RAD9B: variants seen among roughly 807,000 people sequenced by gnomAD.
RAD9B encodes cell cycle checkpoint control protein RAD9B.
RAD9B carries 41 observed loss-of-function variants against 48.3 expected under a neutral mutation model. That is an observed-to-expected ratio of 0.85 (90% confidence interval 0.66 to 1.10). The LOEUF (loss-of-function observed/expected upper bound fraction) is 1.10. Ranked by LOEUF, RAD9B falls within the 50% of genes least tolerant of loss-of-function variation. The probability of loss-of-function intolerance (pLI) is 0.00; values close to 1 mark genes in which losing one functional copy is unlikely to be tolerated. For synonymous variants in RAD9B, 160 were observed against 157.9 expected (o/e 1.01, Z -0.10); for missense variants, 444 against 485.1 (o/e 0.92, Z 0.80).
chr12:110,522,047 T>C, intron 9 of RAD9B, 130 bp from the exon 10 acceptor site: 1 of 629,476 alleles, frequency 1.6e-6, no homozygotes. Flanking sequence ...CTTGCAACAA[T>C]TTAGTTCCAT....
In RAD9B at chr12:110,531,605, T is replaced by C. The variant is rs1174532782; in HGVS notation, c.*952T>C. On this transcript the variant is annotated 3_prime_UTR_variant, in exon 11 of 11. Transcript: ENST00000409300. ...GCAGGAAAGAATTTAATGGAAGTGATGCCAAATATTTCTGTATTATCTGAC... is the reference window on the plus strand; with the variant it reads ...GCAGGAAAGAATTTAATGGAAGTGACGCCAAATATTTCTGTATTATCTGAC... The C allele has an allele frequency of 6.2e-7, 1 of 1,611,280 alleles. No individual in the cohort carries two copies. The highest frequency in any genetic ancestry group is 8.5e-7 in the Non-Finnish European group (1 of 1,178,320).
At chr12:110,517,206 C>T (rs537946525) in intron 6 of RAD9B, among the ~76,000 whole-genome samples, 1 of 152,096 alleles carries the variant, frequency 6.6e-6, no homozygotes, top group African/African-American at 2.4e-5. Flanking sequence ...TGGCATGCAC[C>T]TGTAGTCTAT....
intron 4 of RAD9B, among the ~76,000 whole-genome samples, chr12:110,507,688 T>A (rs1395212932): frequency 6.7e-6 from 1 of 150,134 alleles, no homozygotes; most frequent in Non-Finnish European, 1.5e-5. Context: ...TTCGCTCTTG[T>A]TGCCCAGGCT....
chr12:110,510,823 G>A (rs1027643112), intron 4 of RAD9B, among the ~76,000 whole-genome samples: 1 of 152,100 alleles, frequency 6.6e-6, no homozygotes, highest in Non-Finnish European at 1.5e-5. Context: ...GTGTGGTAGA[G>A]TGCGCCTCTA....
Position 110,518,799 on chromosome 12 carries a change from A to G in RAD9B, c.702+17A>G. 6.3e-7 allele frequency: 1 copy of G among 1,575,638 alleles called. No individual in the cohort carries two copies. ...GAATTGAAGGTAAATAAAGATTTGT[A>G]TCAATTTAAAATTCAAATTTTCACT... On this transcript the variant is annotated intron_variant, in intron 7 of 10. Coordinates refer to ENST00000409300, the MANE Select transcript of RAD9B (RefSeq NM_001286535.2).
At chr12:110,516,769 C>T (rs12314164) in intron 6 of RAD9B, among the ~76,000 whole-genome samples, 3,710 of 151,650 alleles carry the variant, frequency 0.024, 129 homozygotes, top group African/African-American at 0.08. Flanking sequence ...GCCAAGATCA[C>T]GCCACGGCAC....
At chr12:110,517,784 AC>A (rs2063651572) in intron 6 of RAD9B, among the ~76,000 whole-genome samples, 9 of 151,762 alleles carry the variant, frequency 5.9e-5, no homozygotes, top group Admixed American at 3.9e-4. Context: ...ACACACACAC[AC>A]ACACAAATAA....
intron 10 of RAD9B, among the ~76,000 whole-genome samples, chr12:110,526,712 A>T (rs575710844): frequency 2.0e-5 from 3 of 152,100 alleles, no homozygotes; most frequent in Non-Finnish European, 4.4e-5. Flanking sequence ...GATCAAGACC[A>T]TCCTAGCTAA....
intron 9 of RAD9B, among the ~76,000 whole-genome samples, chr12:110,520,799 C>T (rs767551145): frequency 2.6e-5 from 4 of 151,410 alleles, no homozygotes; most frequent in Non-Finnish European, 4.4e-5. Context: ...GACATGTGTG[C>T]ACTAACACGC....
At chr12:110,504,845 T>A (rs1200035487) in intron 2 of RAD9B, among the ~76,000 whole-genome samples, 3 of 151,970 alleles carry the variant, frequency 2.0e-5, no homozygotes, top group African/African-American at 4.8e-5. Context: ...TACAAAAAAA[T>A]TTTAAAAATT....
intron 3 of RAD9B, among the ~76,000 whole-genome samples, chr12:110,506,323 G>A (rs563957168): frequency 1.3e-5 from 2 of 152,018 alleles, no homozygotes; most frequent in South Asian, 4.2e-4. Context: ...CGAGTAGCTG[G>A]GACTACAGGC....
intron 5 of RAD9B, among the ~76,000 whole-genome samples, chr12:110,513,606 G>A (rs1279769225): frequency 6.6e-6 from 1 of 151,534 alleles, no homozygotes; most frequent in Non-Finnish European, 1.5e-5. Flanking sequence ...ATTTGAAAGT[G>A]CATCCAGTTT....
chr12:110,525,863 G>A (rs2063921030), intron 10 of RAD9B, among the ~76,000 whole-genome samples: 1 of 152,116 alleles, frequency 6.6e-6, no homozygotes, highest in Admixed American at 6.5e-5. Context: ...GCTAATTTTT[G>A]TAGTTTTTAG....
rs2135748175 is a variant in RAD9B at position 110,531,453 on chromosome 12, A to G, written c.*800A>G. The G allele has an allele frequency of 5.7e-6, 4 of 701,470 alleles. No individual in the cohort carries two copies. The East Asian group carries it at 1.2e-4, about 22-fold the overall frequency. The allele number at this position is 701,470 out of a possible 1,614,324, so 43.5% of individuals were successfully genotyped here. ...GTGATCTGCCCACCTCGGCCTCCCA[A>G]AGTGCTGGGATTACAGACTTGAGCC... On this transcript the variant is annotated 3_prime_UTR_variant, in exon 11 of 11. Transcript: ENST00000409300.
intron 9 of RAD9B, among the ~76,000 whole-genome samples, chr12:110,521,721 A>G (rs938150352): frequency 6.6e-6 from 1 of 151,632 alleles, no homozygotes; most frequent in African/African-American, 2.4e-5. Flanking sequence ...ACGCCCGGCT[A>G]ATTTTTTTGT....
intron 4 of RAD9B, among the ~76,000 whole-genome samples, chr12:110,510,943 G>C (rs1381316792): frequency 6.6e-6 from 1 of 151,204 alleles, no homozygotes; most frequent in Non-Finnish European, 1.5e-5. Context: ...AACAGGTTGA[G>C]ACCCTGTCAA....
At chr12:110,529,620 C>T (rs2064065223) in intron 10 of RAD9B, among the ~76,000 whole-genome samples, 1 of 151,358 alleles carries the variant, frequency 6.6e-6, no homozygotes, top group African/African-American at 2.4e-5. Context: ...CATGGTTGTG[C>T]ATACCTGTAG....
At position 110,531,565 on chromosome 12, in the gene RAD9B, A is replaced by T; in HGVS notation, c.*912A>T. Reference sequence around the variant, plus strand: ...TTCTGATTTTCAGATGTGATTTTTTATTTTGCAGTGTGCTGCAGGAAAGAA... The same window carrying T: ...TTCTGATTTTCAGATGTGATTTTTTTTTTTGCAGTGTGCTGCAGGAAAGAA... On this transcript the variant is annotated 3_prime_UTR_variant, in exon 11 of 11. Coordinates refer to ENST00000409300, the MANE Select transcript of RAD9B (RefSeq NM_001286535.2). 6.5e-7 allele frequency: 1 copy of T among 1,547,216 alleles called. No homozygotes were observed.
intron 6 of RAD9B, among the ~76,000 whole-genome samples, chr12:110,516,216 G>A (rs57299791): frequency 0.14 from 20,619 of 151,406 alleles, 2,022 homozygotes; most frequent in African/African-American, 0.28. Flanking sequence ...AAGACAGCAA[G>A]ATCTTGTCTC....
Sources: allele counts gnomAD v4.1 joint callset (sites outside exome capture counted in the v4.1 genomes callset), GRCh38; gene constraint gnomAD v4.1.1; transcripts MANE v1.5; gene names NCBI Gene and HGNC (gene_info 2026-07-23, HGNC 2026-07-21).